The following RHOU variants were observed in gnomAD, a reference collection of about 807,000 sequenced individuals.
RHOU encodes rho-related GTP-binding protein RhoU.
In RHOU, 8 loss-of-function variants were observed where a neutral mutation model predicts 12.6. That is an observed-to-expected ratio of 0.64 (90% CI 0.37 to 1.15). RHOU has a LOEUF of 1.15. Ranked by LOEUF, RHOU falls within the 50% of genes most tolerant of loss-of-function variation. RHOU has a pLI of 0.01. For missense variants in RHOU, 258 were observed against 347.0 expected, an observed-to-expected ratio of 0.74 and a Z score of 2.04; for synonymous variants, 161 against 147.4, an observed-to-expected ratio of 1.09 and a Z score of -0.67.
At chr1:228,727,033 C>T in the RHOU span, among the ~76,000 whole-genome samples, 2 of 152,178 alleles carry the variant, frequency 1.3e-5, no homozygotes, top group Non-Finnish European at 2.9e-5. Context: ...TCTTGCATTA[C>T]AGATATTTTA....
the RHOU span, among the ~76,000 whole-genome samples, chr1:228,721,486 C>T: frequency 1.4e-4 from 21 of 152,140 alleles, no homozygotes; most frequent in Non-Finnish European, 1.5e-5. Flanking sequence ...GCCCTTGTCC[C>T]TTTTGTTCTA....
chr1:228,714,447 G>C, the RHOU span, among the ~76,000 whole-genome samples: 1 of 152,024 alleles, frequency 6.6e-6, no homozygotes. Flanking sequence ...TCTAGGTCTC[G>C]TGCATTTTGG....
At chr1:228,684,997 C>T in the RHOU span, among the ~76,000 whole-genome samples, 1 of 152,100 alleles carries the variant, frequency 6.6e-6, no homozygotes, top group Non-Finnish European at 1.5e-5. Flanking sequence ...CTGCTGGTTG[C>T]CTATTTCTAT....
the RHOU span, among the ~76,000 whole-genome samples, chr1:228,726,548 G>A: frequency 2.6e-5 from 4 of 151,714 alleles, no homozygotes; most frequent in East Asian, 1.9e-4. Flanking sequence ...GCCTGTAATC[G>A]CAGCTACTCA....
At position 228,746,055 on chromosome 1, in the gene RHOU, G is replaced by A. The variant is rs138559396; in HGVS notation, c.*2315G>A. The stretch of plus-strand genomic sequence containing the variant: ...CTTTATACAGTTGAATTTTAAGTGG[G>A]GTTGATAACACCTTGGACTGTTAGT... On this transcript the variant is annotated 3_prime_UTR_variant, in exon 3 of 3. Coordinates refer to ENST00000366691, the MANE Select transcript of RHOU (RefSeq NM_021205.6). 6.6e-6 allele frequency: 1 copy of A among 152,298 alleles called. No individual in the cohort carries two copies. The highest frequency in any genetic ancestry group is 2.4e-5 in the African/African-American group (1 of 41,562). The allele number at this position is 152,298 out of a possible 1,614,324, so 9.4% of individuals were successfully genotyped here. A position where few individuals can be genotyped will look rare whatever the true frequency, so the allele number is the denominator to read the frequency against.
At chr1:228,688,298 T>C in the RHOU span, among the ~76,000 whole-genome samples, 16 of 152,304 alleles carry the variant, frequency 1.1e-4, no homozygotes, top group Admixed American at 9.8e-4. Flanking sequence ...CTAAAGGACA[T>C]GAACATGAAT....
At chr1:228,655,292 C>T in the RHOU span, among the ~76,000 whole-genome samples, 22 of 152,050 alleles carry the variant, frequency 1.4e-4, no homozygotes, top group South Asian at 6.2e-4. Flanking sequence ...TTAGTAGAGA[C>T]GGGGTTTCAC....
the RHOU span, among the ~76,000 whole-genome samples, chr1:228,705,822 T>C: frequency 6.6e-6 from 1 of 152,154 alleles, no homozygotes; most frequent in Non-Finnish European, 1.5e-5. Context: ...GACGGGCAGA[T>C]CACCTGAGGT....
the RHOU span, among the ~76,000 whole-genome samples, chr1:228,653,464 C>G: frequency 2.3e-3 from 355 of 152,300 alleles, 2 homozygotes; most frequent in Middle Eastern, 0.024. Context: ...GGATTACAGG[C>G]ATGCTCCACC....
chr1:228,720,277 G>A, the RHOU span, among the ~76,000 whole-genome samples: 1 of 152,192 alleles, frequency 6.6e-6, no homozygotes, highest in Non-Finnish European at 1.5e-5. Flanking sequence ...TGATTATCAT[G>A]TAATTTTCCA....
At chr1:228,687,037 G>A in the RHOU span, among the ~76,000 whole-genome samples, 1 of 152,018 alleles carries the variant, frequency 6.6e-6, no homozygotes, top group Admixed American at 6.6e-5. Flanking sequence ...ACCGTGCCTG[G>A]CCGGCAAGGG....
At chr1:228,736,046 G>C (rs1420599591) in intron 1 of RHOU, 42 bp downstream of exon 1, 29 of 1,554,414 alleles carry the variant, frequency 1.9e-5, no homozygotes, top group Non-Finnish European at 2.2e-5. Flanking sequence ...GCGTGGCCGC[G>C]GTCCACCCAG....
chr1:228,658,331 T>C, the RHOU span, among the ~76,000 whole-genome samples: 1 of 146,758 alleles, frequency 6.8e-6, no homozygotes, highest in Non-Finnish European at 1.5e-5. Flanking sequence ...ATTCTTTAGG[T>C]GATTATCTCA....
At chr1:228,712,430 A>C in the RHOU span, among the ~76,000 whole-genome samples, 25 of 152,028 alleles carry the variant, frequency 1.6e-4, no homozygotes, top group African/African-American at 5.8e-4. Context: ...ACAATGATAG[A>C]CTGGATTAAG....
chr1:228,687,852 C>T, the RHOU span: 148 of 1,123,590 alleles, frequency 1.3e-4, 2 homozygotes, highest in Admixed American at 1.1e-3. Flanking sequence ...TCCACATAGC[C>T]GTGGGAGTGA....
At chr1:228,689,975 T>C in the RHOU span, among the ~76,000 whole-genome samples, 1 of 151,470 alleles carries the variant, frequency 6.6e-6, no homozygotes, top group African/African-American at 2.5e-5. Context: ...TCCCACACTT[T>C]CCAGTGTGCC....
chr1:228,743,592 A>G lies in RHOU; in HGVS notation c.629A>G (p.Asn210Ser), dbSNP rs1217065623. 6.2e-7 allele frequency: 1 copy of G among 1,614,078 alleles called. No homozygotes were observed. The highest frequency in any genetic ancestry group is 8.5e-7 in the Non-Finnish European group (1 of 1,180,034). ...YIECSALTQKNLKEVFDAAIV... is the reference protein window; with the variant it reads ...YIECSALTQKSLKEVFDAAIV... ...GAGTGTTCAGCCTTGACTCAAAAAA[A>G]CCTCAAAGAGGTCTTTGATGCAGCC... The change falls in exon 3 of 3, where the codon AAC becomes AGC. Residue 210 changes from asparagine to serine, a missense_variant. By Grantham distance (46) the Asn-to-Ser change is conservative. Transcript: ENST00000366691. This position sits in a 1 kb window ranked among gnomAD's most constrained non-coding sequence, Gnocchi z 5.1.
At chr1:228,651,591 C>G in the RHOU span, among the ~76,000 whole-genome samples, 1 of 152,314 alleles carries the variant, frequency 6.6e-6, no homozygotes, top group South Asian at 2.1e-4. Context: ...TACAGGAGCA[C>G]AGCACGTGCT....
At chr1:228,652,066 A>G in the RHOU span, among the ~76,000 whole-genome samples, 1 of 152,220 alleles carries the variant, frequency 6.6e-6, no homozygotes, top group Admixed American at 6.5e-5. Context: ...TTGAATAAGT[A>G]TGACTGTTAC....
Sources: allele counts gnomAD v4.1 joint callset (sites outside exome capture counted in the v4.1 genomes callset), GRCh38; gene constraint gnomAD v4.1.1; non-coding constraint Gnocchi (gnomAD v3.1); transcripts MANE v1.5; gene names NCBI Gene and HGNC (gene_info 2026-07-23, HGNC 2026-07-21).